SLC22A17: variants seen among roughly 807,000 people sequenced by gnomAD.
SLC22A17 encodes the protein 24p3 receptor.
SLC22A17 carries 38 observed loss-of-function variants against 53.6 expected under a neutral mutation model. The ratio of observed to expected loss-of-function variants is 0.71; its 90% CI spans 0.55 to 0.93. SLC22A17 has a LOEUF of 0.93. Ranked by LOEUF, SLC22A17 falls within the 40% of genes least tolerant of loss-of-function variation. The probability of loss-of-function intolerance (pLI) is 0.00; values close to 1 mark genes in which losing one functional copy is unlikely to be tolerated. For synonymous variants in SLC22A17, 379 were observed against 353.0 expected, an observed-to-expected ratio of 1.07 and a Z score of -0.82; for missense variants, 704 against 791.0, an observed-to-expected ratio of 0.89 and a Z score of 1.32.
exon 4 of SLC22A17, chr14:23,349,299 C>T (rs369249944): frequency 2.4e-5 from 38 of 1,613,968 alleles, no homozygotes; most frequent in Middle Eastern, 1.6e-4. Flanking sequence ...AGGTCAACAC[C>T]GGCAAGCAGA....
In SLC22A17 at chr14:23,352,275, GC is replaced by G; in HGVS notation, c.272del (p.Gly91AlafsTer64). ...GGCCGAGCTGCAGCTGCTGGCCGCCGCCCAGCGCCCCCACCTGGGCGAGCAG... is the reference window on the plus strand; with the variant it reads ...GGCCGAGCTGCAGCTGCTGGCCGCCGCCAGCGCCCCCACCTGGGCGAGCAG... On this transcript the variant is annotated frameshift_variant, in exon 2 of 10. Coordinates refer to ENST00000397267, the Ensembl canonical transcript of SLC22A17. LOFTEE classifies it high-confidence loss of function. The surrounding 1 kb of genome is among the most constrained non-coding windows in gnomAD (Gnocchi z 7.2). The G allele has an allele frequency of 7.1e-7, 1 of 1,414,904 alleles. No individual in the cohort carries two copies. 87.6% of individuals were successfully genotyped at this position (1,414,904 alleles called of 1,614,324 possible).
In SLC22A17 at chr14:23,352,050, G is replaced by T. The variant is rs772529185; in HGVS notation, c.498C>A (p.Thr166=). The T allele has an allele frequency of 2.2e-5, 36 of 1,606,682 alleles. No homozygotes were observed. Among genetic ancestry groups the T allele is most frequent in the Non-Finnish European group, 3.1e-5 (36 of 1,176,894 alleles). Reference sequence around the variant, plus strand: ...GGGCGAAGCCGCTGCACGAGGGGTCGGTACTGGTGGCGACACGGCTGGCGG... The same window carrying T: ...GGGCGAAGCCGCTGCACGAGGGGTCTGTACTGGTGGCGACACGGCTGGCGG... Residue 166 remains threonine (T), a synonymous_variant, in exon 2 of 10, where the codon ACC becomes ACA. Coordinates refer to ENST00000397267, the Ensembl canonical transcript of SLC22A17. This position sits in a 1 kb window ranked among gnomAD's most constrained non-coding sequence, Gnocchi z 7.2.
exon 10 of SLC22A17, chr14:23,346,762 C>G (rs989361676): frequency 8.4e-6 from 13 of 1,544,162 alleles, no homozygotes; most frequent in Non-Finnish European, 1.0e-5. Context: ...GCACCTCGGG[C>G]AGGAGCTTGC....
At chr14:23,349,670 G>A (rs1017879509) in intron 3 of SLC22A17, 7 of 566,580 alleles carry the variant, frequency 1.2e-5, no homozygotes, top group Admixed American at 3.1e-5. Flanking sequence ...TGGGCTATTG[G>A]TCAGAGATTA....
At chr14:23,349,337 A>G in exon 4 of SLC22A17, 1 of 1,614,024 alleles carries the variant, frequency 6.2e-7, no homozygotes, top group Non-Finnish European at 8.5e-7. Context: ...GAGGGCCATG[A>G]CGCCTGTGGA....
In SLC22A17 at chr14:23,348,664, C is replaced by A; in HGVS notation, c.867G>T (p.Glu289Asp). The A allele has an allele frequency of 6.2e-7, 1 of 1,610,778 alleles. No homozygotes were observed. Among genetic ancestry groups the A allele is most frequent in the Non-Finnish European group, 8.5e-7 (1 of 1,178,492 alleles). Residue 289 changes from glutamate (E) to aspartate (D), a missense_variant, in exon 5 of 10, where the codon GAG (glutamate) becomes GAT (aspartate). By Grantham distance (45) the Glu-to-Asp change is conservative. Around this residue, in one of 4 missense-constraint regions of SLC22A17, gnomAD observed 435 missense variants for 529.0 expected, o/e 0.82. Transcript: ENST00000397267. The surrounding 1 kb of genome is among the most constrained non-coding windows in gnomAD (Gnocchi z 4.5). ...GAAGCCTCTGGGTTGGGTCGCACAG[C>A]TCCAGGCCTGGAGATACAGCAGGGG...
exon 10 of SLC22A17, chr14:23,346,524 G>A (rs961928056): frequency 4.8e-6 from 6 of 1,255,160 alleles, no homozygotes; most frequent in Middle Eastern, 2.8e-4. Context: ...TGAGCTCTCC[G>A]CGATGGCTGG....
chr14:23,349,577 A>T, intron 3 of SLC22A17, 151 bp from the exon 4 acceptor site: 3 of 865,412 alleles, frequency 3.5e-6, no homozygotes, highest in Non-Finnish European at 5.2e-6. Flanking sequence ...ATGGGGAGGG[A>T]TGGGGACCAT....
Position 23,347,024 on chromosome 14 carries a change from C to T in SLC22A17, c.1661+77G>A, listed in dbSNP as rs1889252054. 2.0e-6 allele frequency: 3 copies of T among 1,519,790 alleles called. No homozygotes were observed. The highest frequency in any genetic ancestry group is 2.5e-5 in the South Asian group (2 of 78,536). 94.1% of individuals were successfully genotyped at this position (1,519,790 alleles called of 1,614,324 possible). On this transcript the variant is annotated intron_variant, in intron 9 of 9. Transcript: ENST00000397267. The surrounding 1 kb of genome is among the most constrained non-coding windows in gnomAD (Gnocchi z 5.1). The stretch of plus-strand genomic sequence containing the variant: ...AGCCCCCCTCCTCCAGCCCGCAGGC[C>T]CTGTCCTCAGGGGTGGGGTGGGGGA...
rs567919927 is a variant in SLC22A17, at chr14:23,352,368, C to T, written c.180G>A (p.Ala60=). The change falls in exon 2 of 10, where the codon GCG becomes GCA. Residue 60 remains alanine, a synonymous_variant. Transcript: ENST00000397267. The surrounding 1 kb of genome is among the most constrained non-coding windows in gnomAD (Gnocchi z 7.2). ...GGCTGCTGCCCAGTCCGTCGCCGCC[C>T]GCGTCTCCCTCCCCCTCCCGCTCGC... 4 of 810,492 alleles carry T rather than the reference C, an allele frequency of 4.9e-6. No homozygotes were observed. Among genetic ancestry groups the T allele is most frequent in the African/African-American group, 3.6e-5 (2 of 54,880 alleles). The allele number at this position is 810,492 out of a possible 1,614,324, so 50.2% of individuals were successfully genotyped here. A position where few individuals can be genotyped will look rare whatever the true frequency, so the allele number is the denominator to read the frequency against.
At chr14:23,351,491 C>G (rs1939019173) in intron 3 of SLC22A17, 1 of 428,038 alleles carries the variant, frequency 2.3e-6, no homozygotes, top group Non-Finnish European at 4.2e-6. Flanking sequence ...CATTGATTCA[C>G]GGATAGGGGG....
chr14:23,346,764 G>A, exon 10 of SLC22A17: 3 of 1,544,346 alleles, frequency 1.9e-6, no homozygotes, highest in Non-Finnish European at 2.6e-6. Flanking sequence ...ACCTCGGGCA[G>A]GAGCTTGCGC....
intron 3 of SLC22A17, chr14:23,351,528 T>C (rs151275339): frequency 1.9e-6 from 1 of 528,780 alleles, no homozygotes; most frequent in Non-Finnish European, 3.3e-6. Context: ...ATGGGACTAA[T>C]AGTCCATAGA....
intron 4 of SLC22A17, chr14:23,349,048 T>A: frequency 1.6e-6 from 1 of 631,758 alleles, no homozygotes; most frequent in South Asian, 1.9e-5. Context: ...ACCTTATTCC[T>A]TGGCAGCAGT....
Position 23,352,018 on chromosome 14 carries a change from T to C in SLC22A17, c.530A>G (p.Asp177Gly), listed in dbSNP as rs1650225474. ...CCAATCCTTGAGGCAATGGTTGAAGTCCGGCGGGGCGAAGCCGCTGCACGA... is the reference window on the plus strand; with the variant it reads ...CCAATCCTTGAGGCAATGGTTGAAGCCCGGCGGGGCGAAGCCGCTGCACGA... The change falls in exon 2 of 10, where the codon GAC (aspartate) becomes GGC (glycine). Residue 177 changes from aspartate (D) to glycine (G), a missense_variant. Physicochemically the swap from Asp to Gly is moderately conservative, Grantham distance 94 (BLOSUM62 -1). Transcript: ENST00000397267. The surrounding 1 kb of genome is among the most constrained non-coding windows in gnomAD (Gnocchi z 7.2). The C allele has an allele frequency of 6.2e-7, 1 of 1,611,012 alleles. No individual in the cohort carries two copies. The highest frequency in any genetic ancestry group is 8.5e-7 in the Non-Finnish European group (1 of 1,178,696).
At position 23,348,727 on chromosome 14, in the gene SLC22A17, T is replaced by C; in HGVS notation, c.860-56A>G. 6.6e-7 allele frequency: 1 copy of C among 1,520,236 alleles called. No homozygotes were observed. 94.2% of individuals were successfully genotyped at this position (1,520,236 alleles called of 1,614,324 possible). ...AGGGAGGCCAGGGAGGAAGAAGGCA[T>C]AAGAGAGAAGAAGAAAGAGGGAGGG... is the stretch of plus-strand genomic sequence containing the variant. On this transcript the variant is annotated intron_variant, in intron 4 of 9. Coordinates refer to ENST00000397267, the Ensembl canonical transcript of SLC22A17. The surrounding 1 kb of genome is among the most constrained non-coding windows in gnomAD (Gnocchi z 4.5).
chr14:23,347,264 C>A lies in SLC22A17; in HGVS notation c.1550-52G>T. 1 of 1,545,410 alleles carries A rather than the reference C, an allele frequency of 6.5e-7. No individual in the cohort carries two copies. Among genetic ancestry groups the A allele is most frequent in the South Asian group, 1.2e-5 (1 of 84,286 alleles). On this transcript the variant is annotated intron_variant, in intron 8 of 9. Coordinates refer to ENST00000397267, the Ensembl canonical transcript of SLC22A17. The surrounding 1 kb of genome is among the most constrained non-coding windows in gnomAD (Gnocchi z 5.1). ...ATGCAGGTGGGGAGGTCAAGGCTGG[C>A]CTAGTCCCGGGTGTCATCCCCTTGG...
Position 23,347,358 on chromosome 14 carries a change from G to C in SLC22A17, c.1549+102C>G, listed in dbSNP as rs1014784245. The C allele has an allele frequency of 2.6e-6, 4 of 1,512,374 alleles. No individual in the cohort carries two copies. In the Admixed American group the frequency reaches 7.9e-5, roughly 30 times the overall value. 93.7% of individuals were successfully genotyped at this position (1,512,374 alleles called of 1,614,324 possible). A position where few individuals can be genotyped will look rare whatever the true frequency, so the allele number is the denominator to read the frequency against. Reference sequence around the variant, plus strand: ...AGTAATTGACTGGGAGAGCAGATGGGGCTGTGGGGCCAGGTGGAGGCTCGT... The same window carrying C: ...AGTAATTGACTGGGAGAGCAGATGGCGCTGTGGGGCCAGGTGGAGGCTCGT... On this transcript the variant is annotated intron_variant, in intron 8 of 9. Transcript: ENST00000397267. This position sits in a 1 kb window ranked among gnomAD's most constrained non-coding sequence, Gnocchi z 5.1.
Position 23,348,940 on chromosome 14 carries a change from A to G in SLC22A17, c.860-269T>C, listed in dbSNP as rs972690610. On this transcript the variant is annotated intron_variant, in intron 4 of 9. Transcript: ENST00000397267. This position sits in a 1 kb window ranked among gnomAD's most constrained non-coding sequence, Gnocchi z 4.5. ...ATTTCCAATTTATAGGCCCTTTCCCATCAGGCCTCTTATTTGACCTTCACA... is the reference window on the plus strand; with the variant it reads ...ATTTCCAATTTATAGGCCCTTTCCCGTCAGGCCTCTTATTTGACCTTCACA... 3.4e-6 allele frequency: 2 copies of G among 592,482 alleles called. No homozygotes were observed. Among genetic ancestry groups the G allele is most frequent in the African/African-American group, 3.7e-5 (2 of 53,702 alleles). The allele number at this position is 592,482 out of a possible 1,614,324, so 36.7% of individuals were successfully genotyped here.
Sources: allele counts gnomAD v4.1 joint callset, GRCh38; gene constraint gnomAD v4.1.1; regional missense constraint gnomAD v4.1.1; non-coding constraint Gnocchi (gnomAD v3.1); transcripts MANE v1.5; gene names NCBI Gene and HGNC (gene_info 2026-07-23, HGNC 2026-07-21).